Variants in ADK observed in about 807,000 individuals in gnomAD.
The protein encoded by ADK is adenosine kinase.
In ADK, 24 loss-of-function variants were observed where a neutral mutation model predicts 44.7. The observed-to-expected ratio is 0.54, with a 90% CI of 0.39 to 0.76. The LOEUF (loss-of-function observed/expected upper bound fraction) is 0.76, where lower values mean the gene tolerates loss of function less well. Ranked by LOEUF, ADK falls within the 30% of genes least tolerant of loss-of-function variation. The pLI is 0.00. For missense variants in ADK, 321 were observed against 425.1 expected, an observed-to-expected ratio of 0.76 and a Z score of 2.15; for synonymous variants, 128 against 142.6, an observed-to-expected ratio of 0.90 and a Z score of 0.73.
chr10:74,303,554 G>T (rs2132529265), intron 3 of ADK, among the ~76,000 whole-genome samples: 1 of 107,194 alleles, frequency 9.3e-6, no homozygotes. Flanking sequence ...AGTATCTCCA[G>T]TATCTAAACA....
chr10:74,598,097 G>T (rs1589284346), intron 8 of ADK, among the ~76,000 whole-genome samples: 1 of 152,106 alleles, frequency 6.6e-6, no homozygotes, highest in Non-Finnish European at 1.5e-5. Flanking sequence ...TCTTAGAGAG[G>T]TTTATTAACT....
chr10:74,187,496 G>A (rs921361000), intron 1 of ADK, among the ~76,000 whole-genome samples: 2 of 147,056 alleles, frequency 1.4e-5, no homozygotes, highest in Admixed American at 6.8e-5. Context: ...GATTTTACAC[G>A]CACATACACA....
chr10:74,208,428 G>T (rs1843682040), intron 2 of ADK, among the ~76,000 whole-genome samples: 1 of 152,242 alleles, frequency 6.6e-6, no homozygotes. Context: ...GGGAGCTCGA[G>T]TAACTTCTTT....
chr10:74,675,539 T>A (rs1855356987), intron 10 of ADK, among the ~76,000 whole-genome samples: 1 of 152,206 alleles, frequency 6.6e-6, no homozygotes, highest in Non-Finnish European at 1.5e-5. Context: ...GCCCAAGTGC[T>A]AGGATTGTAC....
chr10:74,363,992 C>T (rs1158655131), intron 4 of ADK, among the ~76,000 whole-genome samples: 1 of 152,142 alleles, frequency 6.6e-6, no homozygotes, highest in Non-Finnish European at 1.5e-5. Flanking sequence ...AGTCTGGAGC[C>T]CCTTGTCTCA....
chr10:74,438,237 T>G (rs935964439), intron 6 of ADK, among the ~76,000 whole-genome samples: 3 of 151,912 alleles, frequency 2.0e-5, no homozygotes, highest in Admixed American at 6.5e-5. Flanking sequence ...TCTCTCTTTT[T>G]TTTTTTTTGA....
chr10:74,615,425 A>G (rs1249995791), intron 9 of ADK, among the ~76,000 whole-genome samples: 1 of 152,188 alleles, frequency 6.6e-6, no homozygotes. Flanking sequence ...ACAAACACAT[A>G]AGATCATGTA....
chr10:74,497,315 T>C (rs1312969210), intron 6 of ADK, among the ~76,000 whole-genome samples: 1 of 152,254 alleles, frequency 6.6e-6, no homozygotes, highest in African/African-American at 2.4e-5. Flanking sequence ...TCTTTTTGTC[T>C]TCAAATTGTG....
At chr10:74,487,500 G>T (rs1379436022) in intron 6 of ADK, among the ~76,000 whole-genome samples, 2 of 150,546 alleles carry the variant, frequency 1.3e-5, no homozygotes, top group African/African-American at 4.9e-5. Flanking sequence ...GATGAGGATG[G>T]TAGAATTTGC....
At chr10:74,534,733 C>T (rs780264845) in intron 7 of ADK, among the ~76,000 whole-genome samples, 1 of 152,156 alleles carries the variant, frequency 6.6e-6, no homozygotes, top group Non-Finnish European at 1.5e-5. Flanking sequence ...AGTTTCACTT[C>T]ACTTTAACTT....
Position 74,323,511 on chromosome 10 carries a change from C to T in ADK, c.273+8766C>T, listed in dbSNP as rs556979359. ...ATAATCTTGTGGCTTTTAGTGTGTT[C>T]ACAGATCTAGCTAGCTGTGCAACCA... On this transcript the variant is annotated intron_variant, in intron 4 of 10. Transcript: ENST00000539909. 5.9e-5 allele frequency among the ~76,000 whole-genome samples: 9 copies of T among 152,078 alleles called. 1 individual carries two copies. The South Asian group carries it at 1.9e-3, about 32-fold the overall frequency.
At chr10:74,247,302 A>G (rs1016713562) in intron 3 of ADK, among the ~76,000 whole-genome samples, 1 of 129,670 alleles carries the variant, frequency 7.7e-6, no homozygotes, top group Non-Finnish European at 1.6e-5. Flanking sequence ...GCAGTGGTGC[A>G]GTCATGGCTC....
At chr10:74,202,054 A>G (rs1843416843) in intron 2 of ADK, among the ~76,000 whole-genome samples, 2 of 152,274 alleles carry the variant, frequency 1.3e-5, no homozygotes, top group South Asian at 2.1e-4. Flanking sequence ...TCATCACCCC[A>G]AAATGAAATC....
At chr10:74,192,661 G>A (rs1477938783) in intron 1 of ADK, among the ~76,000 whole-genome samples, 2 of 152,136 alleles carry the variant, frequency 1.3e-5, no homozygotes, top group Middle Eastern at 3.4e-3. Flanking sequence ...TGAGGAACTA[G>A]GAGTAGAGAC....
intron 1 of ADK, among the ~76,000 whole-genome samples, chr10:74,189,068 T>C (rs944552869): frequency 6.6e-6 from 1 of 152,114 alleles, no homozygotes; most frequent in Non-Finnish European, 1.5e-5. Flanking sequence ...CTTTCATTAT[T>C]ATTATTTTTT....
intron 3 of ADK, among the ~76,000 whole-genome samples, chr10:74,229,365 A>C (rs1289492320): frequency 6.7e-6 from 1 of 150,170 alleles, no homozygotes; most frequent in Non-Finnish European, 1.5e-5. Context: ...ATGTCAGGGA[A>C]GTTAGAGACA....
chr10:74,301,936 A>G (rs774391517), intron 3 of ADK, among the ~76,000 whole-genome samples: 1 of 152,066 alleles, frequency 6.6e-6, no homozygotes, highest in African/African-American at 2.4e-5. Flanking sequence ...GAAGTGTTAC[A>G]AAAGAGATTC....
At chr10:74,179,077 T>TA (rs1171558303) in intron 1 of ADK, among the ~76,000 whole-genome samples, 1 of 152,218 alleles carries the variant, frequency 6.6e-6, no homozygotes, top group Non-Finnish European at 1.5e-5. Flanking sequence ...ACGAACTTGA[T>TA]AACTGGGGTT....
intron 3 of ADK, among the ~76,000 whole-genome samples, chr10:74,258,052 T>G (rs1249913120): frequency 6.6e-6 from 1 of 152,228 alleles, no homozygotes; most frequent in Non-Finnish European, 1.5e-5. Context: ...ACTTGCTTCC[T>G]TCTTAATAAA....
Sources: gnomAD v4.1 joint callset for allele counts (sites outside exome capture counted in the v4.1 genomes callset) on GRCh38, gnomAD v4.1.1 for gene constraint, MANE v1.5 for transcripts, NCBI Gene and HGNC (gene_info 2026-07-23, HGNC 2026-07-21) for gene names.